Variants in GPC5 observed in about 807,000 individuals in gnomAD.
The protein encoded by GPC5 is glypican-5.
GPC5 carries 47 observed loss-of-function variants against 53.9 expected under a neutral mutation model. That is an observed-to-expected ratio of 0.87 (90% confidence interval 0.69 to 1.11). The LOEUF (loss-of-function observed/expected upper bound fraction) is 1.11, where lower values mean the gene tolerates loss of function less well. Ranked by LOEUF, GPC5 falls within the 50% of genes most tolerant of loss-of-function variation. The probability of loss-of-function intolerance (pLI) is 0.00; values close to 1 mark genes in which losing one functional copy is unlikely to be tolerated. For missense variants in GPC5, 748 were observed against 713.1 expected (o/e 1.05, Z -0.56); for synonymous variants, 286 against 263.3 (o/e 1.09, Z -0.84).
At position 92,476,595 on chromosome 13, in the gene GPC5, G is replaced by A. The variant is rs1271213940; in HGVS notation, c.1561+331606G>A. Among the ~76,000 whole-genome samples the A allele has an allele frequency of 1.9e-3, 284 of 150,036 alleles. 1 individual carries two copies. Among genetic ancestry groups the A allele is most frequent in the African/African-American group, 6.7e-3 (268 of 39,792 alleles). The stretch of plus-strand genomic sequence containing the variant: ...TGCTGCTATAAAGACACATGCACAC[G>A]TATGTTTACTGCGGCATTATTCACA... On this transcript the variant is annotated intron_variant, in intron 7 of 7. Transcript: ENST00000377067.
intron 7 of GPC5, among the ~76,000 whole-genome samples, chr13:92,802,968 T>C (rs887120393): frequency 6.6e-6 from 1 of 151,912 alleles, no homozygotes; most frequent in African/African-American, 2.4e-5. Context: ...TACTGAGGTA[T>C]TTGGAACCTG....
chr13:91,544,660 G>T (rs1326252525), intron 2 of GPC5, among the ~76,000 whole-genome samples: 2 of 152,074 alleles, frequency 1.3e-5, no homozygotes, highest in Non-Finnish European at 2.9e-5. Context: ...TTCTCCCTGT[G>T]CTTTGACATT....
chr13:91,579,010 C>G (rs1274750153), intron 2 of GPC5, among the ~76,000 whole-genome samples: 2 of 152,160 alleles, frequency 1.3e-5, no homozygotes, highest in Admixed American at 1.3e-4. Context: ...CACACCAGTG[C>G]ACTCCAGCCT....
intron 6 of GPC5, among the ~76,000 whole-genome samples, chr13:92,031,788 C>CATATTATATATAATATATAAT (rs2040849057): frequency 8.3e-5 from 6 of 72,502 alleles, no homozygotes; most frequent in African/African-American, 3.1e-4. Context: ...TAATATATTA[C>CATATTATATATAATATATAAT]ATATTATATA....
chr13:91,685,712 G>A (rs2035607076), intron 2 of GPC5, among the ~76,000 whole-genome samples: 1 of 152,000 alleles, frequency 6.6e-6, no homozygotes, highest in African/African-American at 2.4e-5. Flanking sequence ...AAAATATATT[G>A]GTTGAATGGA....
At chr13:92,185,996 G>A (rs1225981597) in intron 7 of GPC5, among the ~76,000 whole-genome samples, 1 of 152,058 alleles carries the variant, frequency 6.6e-6, no homozygotes, top group Admixed American at 6.6e-5. Flanking sequence ...TAACAGCTTT[G>A]AGCAGTAATG....
intron 7 of GPC5, among the ~76,000 whole-genome samples, chr13:92,558,662 G>T (rs908029165): frequency 1.3e-5 from 2 of 151,922 alleles, no homozygotes; most frequent in African/African-American, 4.8e-5. Flanking sequence ...AGTGTTACAG[G>T]TGATTCTTCT....
chr13:92,160,195 A>G (rs2041976979), intron 7 of GPC5, among the ~76,000 whole-genome samples: 1 of 152,178 alleles, frequency 6.6e-6, no homozygotes, highest in Admixed American at 6.5e-5. Context: ...TAGGCATGAA[A>G]GTATCTATGT....
chr13:92,196,151 T>C (rs1367670573), intron 7 of GPC5, among the ~76,000 whole-genome samples: 2 of 152,122 alleles, frequency 1.3e-5, no homozygotes, highest in South Asian at 2.1e-4. Flanking sequence ...AAAAAAGATG[T>C]ATCCCCTTGA....
At chr13:91,982,799 C>T (rs1346246525) in intron 6 of GPC5, among the ~76,000 whole-genome samples, 2 of 152,028 alleles carry the variant, frequency 1.3e-5, no homozygotes, top group African/African-American at 4.8e-5. Flanking sequence ...AATTGACATC[C>T]TAGGTAGTTT....
At chr13:92,053,261 T>C (rs2041045404) in intron 6 of GPC5, among the ~76,000 whole-genome samples, 1 of 152,184 alleles carries the variant, frequency 6.6e-6, no homozygotes, top group Non-Finnish European at 1.5e-5. Context: ...GCGTCAGGCA[T>C]GTTCAGCACA....
intron 7 of GPC5, among the ~76,000 whole-genome samples, chr13:92,170,506 A>G (rs1593957131): frequency 7.3e-6 from 1 of 137,502 alleles, no homozygotes; most frequent in East Asian, 2.1e-4. Flanking sequence ...GCTCACTGGA[A>G]CCTCCACCTC....
chr13:91,940,706 A>T (rs891755801), intron 6 of GPC5, among the ~76,000 whole-genome samples: 7 of 152,112 alleles, frequency 4.6e-5, no homozygotes, highest in Admixed American at 4.6e-4. Context: ...ATGAAATGGT[A>T]TCTCGCTGTG....
At chr13:92,141,691 G>C (rs1354185186) in intron 6 of GPC5, among the ~76,000 whole-genome samples, 3 of 152,142 alleles carry the variant, frequency 2.0e-5, no homozygotes, top group Non-Finnish European at 4.4e-5. Context: ...TTCCACAGAT[G>C]AGAAGTCTGG....
intron 7 of GPC5, among the ~76,000 whole-genome samples, chr13:92,519,496 G>A (rs538863387): frequency 3.0e-4 from 46 of 152,162 alleles, no homozygotes; most frequent in African/African-American, 9.1e-4. Context: ...GCTCAACTAC[G>A]TGGAAACTGA....
intron 6 of GPC5, among the ~76,000 whole-genome samples, chr13:92,140,021 G>A (rs1002232458): frequency 2.6e-5 from 4 of 152,192 alleles, no homozygotes; most frequent in Non-Finnish European, 5.9e-5. Flanking sequence ...ACACGTTCAA[G>A]AAAGTGGATT....
At chr13:92,375,595 AT>A (rs2043687804) in intron 7 of GPC5, among the ~76,000 whole-genome samples, 1 of 152,148 alleles carries the variant, frequency 6.6e-6, no homozygotes, top group South Asian at 2.1e-4. Flanking sequence ...AGGCCTGTAT[AT>A]GATATATATT....
At chr13:91,560,956 C>T (rs1219469770) in intron 2 of GPC5, among the ~76,000 whole-genome samples, 1 of 152,034 alleles carries the variant, frequency 6.6e-6, no homozygotes, top group Non-Finnish European at 1.5e-5. Flanking sequence ...TACCAAAACT[C>T]TTCCTTCAAG....
At chr13:91,410,339 CTTTTTT>C (rs66787310) in intron 1 of GPC5, among the ~76,000 whole-genome samples, 1 of 89,834 alleles carries the variant, frequency 1.1e-5, no homozygotes, top group Non-Finnish European at 2.1e-5. Flanking sequence ...CGTTTCCATT[CTTTTTT>C]TTTTTTTTTT....
Sources: allele counts gnomAD v4.1 joint callset (sites outside exome capture counted in the v4.1 genomes callset), GRCh38; gene constraint gnomAD v4.1.1; transcripts MANE v1.5; gene names NCBI Gene and HGNC (gene_info 2026-07-23, HGNC 2026-07-21).